Variants in GPR158 observed in about 807,000 individuals in gnomAD.
GPR158 encodes the protein metabotropic glycine receptor.
GPR158 carries 30 observed loss-of-function variants against 78.2 expected under a neutral mutation model. The observed-to-expected ratio is 0.38, with a 90% CI of 0.29 to 0.52. GPR158 has a LOEUF of 0.52. Among genes scored for constraint, GPR158 ranks in the 20% least tolerant of loss-of-function variants. The pLI is 0.83. For missense variants in GPR158, 1,463 were observed against 1,523.5 expected, an observed-to-expected ratio of 0.96 and a Z score of 0.66; for synonymous variants, 581 against 591.1, an observed-to-expected ratio of 0.98 and a Z score of 0.25.
chr10:25,591,137 G>A (rs1837334884), intron 8 of GPR158, among the ~76,000 whole-genome samples: 1 of 152,086 alleles, frequency 6.6e-6, no homozygotes, highest in Non-Finnish European at 1.5e-5. Flanking sequence ...ACTTTTAGGT[G>A]TTTATGTGTG....
chr10:25,324,855 T>C (rs2130483664), intron 2 of GPR158, among the ~76,000 whole-genome samples: 2 of 133,230 alleles, frequency 1.5e-5, no homozygotes, highest in African/African-American at 6.0e-5. Flanking sequence ...TTTTGAGACA[T>C]TGAGACAAGG....
intron 2 of GPR158, among the ~76,000 whole-genome samples, chr10:25,274,007 T>G (rs1854151229): frequency 6.6e-6 from 1 of 152,106 alleles, no homozygotes; most frequent in Non-Finnish European, 1.5e-5. Flanking sequence ...CGAGACATGG[T>G]TTTTCTCTGC....
At chr10:25,384,124 C>T (rs959044302) in intron 2 of GPR158, among the ~76,000 whole-genome samples, 2 of 152,046 alleles carry the variant, frequency 1.3e-5, no homozygotes, top group Non-Finnish European at 2.9e-5. Flanking sequence ...GCATGCTTTG[C>T]GATCTAGTTT....
At chr10:25,380,936 T>G (rs1425614412) in intron 2 of GPR158, among the ~76,000 whole-genome samples, 1 of 152,222 alleles carries the variant, frequency 6.6e-6, no homozygotes, top group Non-Finnish European at 1.5e-5. Context: ...GTTTCTAATC[T>G]GGGCTTCTGC....
At chr10:25,277,352 G>GT (rs2130749384) in intron 2 of GPR158, among the ~76,000 whole-genome samples, 2 of 151,890 alleles carry the variant, frequency 1.3e-5, no homozygotes, top group Non-Finnish European at 2.9e-5. Context: ...AGCTCCTATA[G>GT]GAAAAAAATG....
intron 5 of GPR158, among the ~76,000 whole-genome samples, chr10:25,513,697 A>G (rs1229171106): frequency 6.6e-6 from 1 of 152,152 alleles, no homozygotes; most frequent in Non-Finnish European, 1.5e-5. Context: ...GCTGTATCCC[A>G]GAGGATTTGA....
intron 5 of GPR158, among the ~76,000 whole-genome samples, chr10:25,510,048 C>T (rs898575914): frequency 6.6e-6 from 1 of 152,140 alleles, no homozygotes; most frequent in South Asian, 2.1e-4. Flanking sequence ...TCCAAAGTCC[C>T]AATAACATCA....
chr10:25,285,100 G>C (rs569497156), intron 2 of GPR158, among the ~76,000 whole-genome samples: 91 of 146,288 alleles, frequency 6.2e-4, no homozygotes, highest in African/African-American at 2.3e-3. Flanking sequence ...GTATGCATGT[G>C]CATAAATCTA....
chr10:25,441,594 C>A (rs1380997780), intron 4 of GPR158, among the ~76,000 whole-genome samples: 1 of 152,180 alleles, frequency 6.6e-6, no homozygotes, highest in Non-Finnish European at 1.5e-5. Context: ...TGAGCAGACT[C>A]CTTCTCAGAC....
chr10:25,366,720 A>G (rs894561021), intron 2 of GPR158, among the ~76,000 whole-genome samples: 24 of 151,648 alleles, frequency 1.6e-4, no homozygotes, highest in Middle Eastern at 6.8e-3. Flanking sequence ...AATCTCTCCA[A>G]TTCACCCTGT....
At chr10:25,383,632 A>C (rs1834186136) in intron 2 of GPR158, among the ~76,000 whole-genome samples, 1 of 152,204 alleles carries the variant, frequency 6.6e-6, no homozygotes, top group African/African-American at 2.4e-5. Context: ...TGTGGGACTT[A>C]ATTGCATTTC....
intron 5 of GPR158, among the ~76,000 whole-genome samples, chr10:25,492,911 A>G (rs1166454932): frequency 6.7e-6 from 1 of 148,944 alleles, no homozygotes; most frequent in Non-Finnish European, 1.5e-5. Flanking sequence ...TTAATATATA[A>G]TATATTTCAA....
At chr10:25,541,747 G>T (rs749760819) in intron 5 of GPR158, among the ~76,000 whole-genome samples, 37 of 151,764 alleles carry the variant, frequency 2.4e-4, no homozygotes, top group Non-Finnish European at 4.4e-4. Flanking sequence ...ACCTGGAGAG[G>T]TTACACACAA....
At chr10:25,444,630 A>C (rs1835115886) in intron 4 of GPR158, among the ~76,000 whole-genome samples, 1 of 150,670 alleles carries the variant, frequency 6.6e-6, no homozygotes, top group African/African-American at 2.4e-5. Flanking sequence ...GTATATGTGA[A>C]GATGTGTGTA....
At chr10:25,565,931 C>CA (rs1836923588) in intron 6 of GPR158, among the ~76,000 whole-genome samples, 1 of 152,154 alleles carries the variant, frequency 6.6e-6, no homozygotes. Context: ...TTAGATTATA[C>CA]AATTGCCTTT....
At chr10:25,448,994 T>C (rs1835178590) in intron 4 of GPR158, among the ~76,000 whole-genome samples, 1 of 152,196 alleles carries the variant, frequency 6.6e-6, no homozygotes, top group South Asian at 2.1e-4. Flanking sequence ...AAATATTTTA[T>C]AGTATGTAAG....
chr10:25,220,188 T>G (rs893843556), intron 1 of GPR158, among the ~76,000 whole-genome samples: 3 of 152,220 alleles, frequency 2.0e-5, no homozygotes, highest in African/African-American at 7.2e-5. Context: ...GGGCCCAGGA[T>G]GCAGAATACT....
chr10:25,281,409 C>CAAAAAAAA (rs749627659), intron 2 of GPR158, among the ~76,000 whole-genome samples: 9 of 68,452 alleles, frequency 1.3e-4, no homozygotes, highest in Non-Finnish European at 2.1e-4. Flanking sequence ...ACCAAAAATA[C>CAAAAAAAA]AAAAAAAAAA....
chr10:25,590,069 A>G (rs1837320937), intron 8 of GPR158, among the ~76,000 whole-genome samples: 1 of 152,132 alleles, frequency 6.6e-6, no homozygotes, highest in Non-Finnish European at 1.5e-5. Flanking sequence ...ATCAGTGAGA[A>G]TGGAAGAGCG....
Sources: gnomAD v4.1 joint callset for allele counts (sites outside exome capture counted in the v4.1 genomes callset) on GRCh38, gnomAD v4.1.1 for gene constraint, MANE v1.5 for transcripts, NCBI Gene and HGNC (gene_info 2026-07-23, HGNC 2026-07-21) for gene names.